Variants in TCN2 observed in about 807,000 individuals in gnomAD.
TCN2 encodes the protein transcobalamin 2.
A neutral mutation model predicts 48.6 loss-of-function variants in TCN2; 34 were observed. That is an observed-to-expected ratio of 0.70 (90% confidence interval 0.53 to 0.93). TCN2 has a LOEUF of 0.93. Ranked by LOEUF, TCN2 falls within the 40% of genes least tolerant of loss-of-function variation. The probability of loss-of-function intolerance (pLI) is 0.00; values close to 1 mark genes in which losing one functional copy is unlikely to be tolerated. For synonymous variants in TCN2, 283 were observed against 212.5 expected (o/e 1.33, Z -2.89); for missense variants, 652 against 526.1 (o/e 1.24, Z -2.34).
intron 1 of TCN2, among the ~76,000 whole-genome samples, chr22:30,607,972 G>A (rs1288896796): frequency 6.6e-6 from 1 of 152,206 alleles, no homozygotes; most frequent in Non-Finnish European, 1.5e-5. Flanking sequence ...TGGCAGGAAA[G>A]GAGTGGGGGA....
chr22:30,626,708 G>C lies in TCN2; in HGVS notation c.*187G>C, dbSNP rs908936936. On this transcript the variant is annotated 3_prime_UTR_variant, in exon 9 of 9. Coordinates refer to ENST00000215838, the MANE Select transcript of TCN2 (RefSeq NM_000355.4). ...CTATACCATGGCCCACCTTGGAGCA[G>C]AGAGCCAAGCATCTTCCCTGGGAAG... is the stretch of plus-strand genomic sequence containing the variant. The C allele has an allele frequency of 5.9e-6, 4 of 676,240 alleles. No homozygotes were observed. Among genetic ancestry groups the C allele is most frequent in the Non-Finnish European group, 5.2e-6 (2 of 382,002 alleles). 41.9% of individuals were successfully genotyped at this position (676,240 alleles called of 1,614,324 possible). A position where few individuals can be genotyped will look rare whatever the true frequency, so the allele number is the denominator to read the frequency against.
Position 30,626,494 on chromosome 22 carries a change from C to A in TCN2, c.1257C>A (p.Thr419=). ...ACTACAGACCCAAGGATGGAGAAAC[C>A]ATTGAGCTGAGGCTGGTTAGCTGGT... is the stretch of plus-strand genomic sequence containing the variant. The part of the protein sequence containing the change: ...IADYRPKDGE[T]IELRLVSW Residue 419 remains threonine, a synonymous_variant, in exon 9 of 9, where the codon ACC becomes ACA. Coordinates refer to ENST00000215838, the MANE Select transcript of TCN2 (RefSeq NM_000355.4). 1 of 1,614,120 alleles carries A rather than the reference C, an allele frequency of 6.2e-7. No homozygotes were observed.
rs139748334 is a variant in TCN2, at chr22:30,611,881, G to A, written c.257+818G>A. 1.9e-3 allele frequency among the ~76,000 whole-genome samples: 292 copies of A among 152,278 alleles called. 2 individuals carry two copies. Among genetic ancestry groups the A allele is most frequent in the African/African-American group, 6.6e-3 (275 of 41,562 alleles). On this transcript the variant is annotated intron_variant, in intron 2 of 8. Transcript: ENST00000215838. ...CTGTTTTGGGGTTTGAATGAGAGGC[G>A]AAGAATCAGCCATGGAGTGCCTCTT...
intron 8 of TCN2, among the ~76,000 whole-genome samples, chr22:30,623,803 T>TATACACAC (rs57088816): frequency 1.6e-5 from 1 of 61,598 alleles, no homozygotes; most frequent in Non-Finnish European, 2.6e-5. Flanking sequence ...TATACACACA[T>TATACACAC]ACACATATAT....
intron 6 of TCN2, 38 bp downstream of exon 6, chr22:30,615,825 T>C: frequency 6.2e-7 from 1 of 1,612,296 alleles, no homozygotes; most frequent in Non-Finnish European, 8.5e-7. Flanking sequence ...CCCTTTACAA[T>C]CTGCTGCGCA....
chr22:30,623,973 T>TATATATGTATACATATATACAC (rs2087759746), intron 8 of TCN2, among the ~76,000 whole-genome samples: 1 of 15,144 alleles, frequency 6.6e-5, no homozygotes, highest in Non-Finnish European at 1.1e-4. Context: ...TACACACACA[T>TATATATGTATACATATATACAC]ATATATGTAT....
intron 8 of TCN2, 30 bp from the exon 9 acceptor site, chr22:30,626,430 C>T (rs370979483): frequency 5.0e-5 from 81 of 1,612,990 alleles, no homozygotes; most frequent in South Asian, 7.7e-5. Context: ...CTGCCCAATT[C>T]GCCCCTCCTT....
intron 1 of TCN2, chr22:30,610,129 G>A (rs1019204933): frequency 5.0e-5 from 23 of 457,836 alleles, no homozygotes; most frequent in South Asian, 3.0e-4. Context: ...GAGTATTTTC[G>A]TTGCACAGCT....
In TCN2 at chr22:30,615,710, T is replaced by G; in HGVS notation, c.863T>G (p.Met288Arg). Reference protein sequence around the residue: ...LQDGAFQNALMISQLLPVLNH... With the variant: ...LQDGAFQNALRISQLLPVLNH... ...GATGGAGCCTTCCAGAATGCTCTCA[T>G]GATTTCCCAGCTGCTGCCCGTTCTG... is the stretch of plus-strand genomic sequence containing the variant. Residue 288 changes from methionine (M) to arginine (R), a missense_variant, in exon 6 of 9, where the codon ATG becomes AGG. Physicochemically the swap from Met to Arg is moderately conservative, Grantham distance 91. Coordinates refer to ENST00000215838, the MANE Select transcript of TCN2 (RefSeq NM_000355.4). 2 of 1,614,230 alleles carry G rather than the reference T, an allele frequency of 1.2e-6. No homozygotes were observed. Among genetic ancestry groups the G allele is most frequent in the Non-Finnish European group, 1.7e-6 (2 of 1,180,042 alleles).
At position 30,626,557 on chromosome 22, in the gene TCN2, T is replaced by C; in HGVS notation, c.*36T>C. On this transcript the variant is annotated 3_prime_UTR_variant, in exon 9 of 9. Coordinates refer to ENST00000215838, the MANE Select transcript of TCN2 (RefSeq NM_000355.4). ...CCCTCATCCCAGCAGCCTCGCACAC[T>C]CCCTAGGCTTCTACCCTCCCTCCTG... 5.0e-6 allele frequency: 8 copies of C among 1,609,706 alleles called. No homozygotes were observed. Among genetic ancestry groups the C allele is most frequent in the Non-Finnish European group, 6.8e-6 (8 of 1,176,880 alleles).
intron 7 of TCN2, among the ~76,000 whole-genome samples, chr22:30,621,102 C>T (rs1243156472): frequency 6.6e-6 from 1 of 152,090 alleles, no homozygotes; most frequent in Non-Finnish European, 1.5e-5. Context: ...AAGCGATTCT[C>T]CTGCCTCAGC....
chr22:30,610,694 C>T (rs1602043190), intron 1 of TCN2, among the ~76,000 whole-genome samples, 177 bp from the exon 2 acceptor site: 3 of 152,366 alleles, frequency 2.0e-5, no homozygotes, highest in East Asian at 3.9e-4. Flanking sequence ...CGCTTCCCCT[C>T]TTTTCTCCTC....
chr22:30,623,550 C>G (rs1410923125), intron 8 of TCN2, among the ~76,000 whole-genome samples: 1 of 151,562 alleles, frequency 6.6e-6, no homozygotes, highest in African/African-American at 2.4e-5. Flanking sequence ...CCGCACCCAG[C>G]CAAAATTACT....
At chr22:30,625,305 G>T (rs749322841) in intron 8 of TCN2, among the ~76,000 whole-genome samples, 4 of 152,152 alleles carry the variant, frequency 2.6e-5, no homozygotes, top group Non-Finnish European at 4.4e-5. Flanking sequence ...GACAGATTCA[G>T]TGTCTGATGG....
intron 6 of TCN2, among the ~76,000 whole-genome samples, chr22:30,616,204 C>G (rs768309507): frequency 6.6e-5 from 10 of 152,128 alleles, no homozygotes; most frequent in Non-Finnish European, 1.2e-4. Context: ...GAGAAAGAGG[C>G]CAGGTGCAGT....
At chr22:30,610,846 C>T (rs746150346) in intron 1 of TCN2, 25 bp from the exon 2 acceptor site, 1 of 1,614,046 alleles carries the variant, frequency 6.2e-7, no homozygotes, top group Non-Finnish European at 8.5e-7. Flanking sequence ...CCTGTGACCT[C>T]ATTTGTACCA....
At chr22:30,617,987 C>T (rs974577996) in intron 7 of TCN2, among the ~76,000 whole-genome samples, 1 of 152,124 alleles carries the variant, frequency 6.6e-6, no homozygotes, top group African/African-American at 2.4e-5. Flanking sequence ...ATCACCCAGG[C>T]TGGAGTGTAA....
chr22:30,615,615 C>T lies in TCN2; in HGVS notation c.768C>T (p.Ser256=), dbSNP rs746951015. Residue 256 remains serine (S), a synonymous_variant, in exon 6 of 9, where the codon TCC becomes TCT. Transcript: ENST00000215838. The part of the protein sequence containing the change: ...TPLALQFLMT[S]PMRGAELGTA... ...TCTATCACCAGTTCCTCATGACTTC[C>T]CCCATGCGTGGGGCAGAACTGGGAA... 6.2e-7 allele frequency: 1 copy of T among 1,614,130 alleles called. No homozygotes were observed. Among genetic ancestry groups the T allele is most frequent in the East Asian group, 2.2e-5 (1 of 44,878 alleles).
intron 6 of TCN2, among the ~76,000 whole-genome samples, chr22:30,616,025 TTGGATGGA>T (rs34383530): frequency 0.089 from 13,348 of 149,398 alleles, 778 homozygotes; most frequent in East Asian, 0.26. Context: ...ACAGAAATGT[TTGGATGGA>T]TGGATGGATG....
Sources: gnomAD v4.1 joint callset for allele counts (sites outside exome capture counted in the v4.1 genomes callset) on GRCh38, gnomAD v4.1.1 for gene constraint, MANE v1.5 for transcripts, NCBI Gene and HGNC (gene_info 2026-07-23, HGNC 2026-07-21) for gene names.